The following ZDHHC20 variants were observed in gnomAD, a reference collection of about 807,000 sequenced individuals.
ZDHHC20 encodes palmitoyltransferase ZDHHC20.
ZDHHC20 carries 43 observed loss-of-function variants against 57.8 expected under a neutral mutation model. The observed-to-expected ratio is 0.74, with a 90% confidence interval of 0.58 to 0.96. The LOEUF (loss-of-function observed/expected upper bound fraction) is 0.96, where lower values mean the gene tolerates loss of function less well. Ranked by LOEUF, ZDHHC20 falls within the 40% of genes least tolerant of loss-of-function variation. The pLI is 0.00. For missense variants in ZDHHC20, 391 were observed against 441.1 expected, an observed-to-expected ratio of 0.89 and a Z score of 1.02; for synonymous variants, 157 against 153.0, an observed-to-expected ratio of 1.03 and a Z score of -0.19.
intron 7 of ZDHHC20, among the ~76,000 whole-genome samples, chr13:21,393,831 G>C (rs547050441): frequency 6.6e-6 from 1 of 151,504 alleles, no homozygotes; most frequent in African/African-American, 2.4e-5. Flanking sequence ...GACTACAGGC[G>C]TGAGCCACCT....
chr13:21,381,990 T>G (rs1233984287), intron 10 of ZDHHC20: 2 of 504,216 alleles, frequency 4.0e-6, no homozygotes, highest in Admixed American at 4.1e-5. Context: ...GACTTATTTT[T>G]CTAGCTAAAA....
chr13:21,387,079 G>A (rs545202532), intron 9 of ZDHHC20, among the ~76,000 whole-genome samples: 1 of 152,256 alleles, frequency 6.6e-6, no homozygotes, highest in African/African-American at 2.4e-5. Flanking sequence ...ATCATCTCAA[G>A]AATATACTCT....
chr13:21,411,443 C>T (rs1046079284), intron 4 of ZDHHC20, among the ~76,000 whole-genome samples: 7 of 152,162 alleles, frequency 4.6e-5, no homozygotes, highest in African/African-American at 1.7e-4. Context: ...TAGAGATTTC[C>T]TAGTTCAATC....
intron 1 of ZDHHC20, among the ~76,000 whole-genome samples, chr13:21,447,824 T>C (rs1883922188): frequency 1.0e-5 from 1 of 98,726 alleles, no homozygotes; most frequent in East Asian, 2.2e-4. Flanking sequence ...CGCCATCCCA[T>C]CTAGGAAGTG....
chr13:21,414,110 A>C (rs548834986), intron 3 of ZDHHC20, among the ~76,000 whole-genome samples: 16 of 152,278 alleles, frequency 1.1e-4, no homozygotes, highest in Middle Eastern at 3.4e-3. Flanking sequence ...GTTACTGTCA[A>C]GAGATTTTTA....
chr13:21,404,306 A>T (rs746110931), intron 4 of ZDHHC20: 4 of 501,796 alleles, frequency 8.0e-6, no homozygotes, highest in Admixed American at 2.0e-5. Flanking sequence ...TGTCCAGCTC[A>T]TTGGAGCTCC....
intron 1 of ZDHHC20, among the ~76,000 whole-genome samples, chr13:21,434,681 CAT>C (rs1236900146): frequency 2.6e-5 from 4 of 152,072 alleles, no homozygotes; most frequent in Non-Finnish European, 5.9e-5. Flanking sequence ...TCCCTAAATC[CAT>C]ATGATGATGA....
rs1394272794 is a variant in ZDHHC20 at position 21,402,713 on chromosome 13, C to T, written c.440+84G>A. Reference sequence around the variant, plus strand: ...TGAAGTGTTCTTGTCAAGTGTAAAGCATATAAAATGTTCCTTCCCCTTGCA... The same window carrying T: ...TGAAGTGTTCTTGTCAAGTGTAAAGTATATAAAATGTTCCTTCCCCTTGCA... On this transcript the variant is annotated intron_variant, in intron 5 of 12. Coordinates refer to ENST00000400590, the MANE Select transcript of ZDHHC20 (RefSeq NM_001330059.2). 2.7e-6 allele frequency: 3 copies of T among 1,105,264 alleles called. No individual in the cohort carries two copies. In the African/African-American group the frequency reaches 4.7e-5, roughly 17 times the overall value. The allele number at this position is 1,105,264 out of a possible 1,614,324, so 68.5% of individuals were successfully genotyped here.
intron 6 of ZDHHC20, among the ~76,000 whole-genome samples, chr13:21,401,286 T>C (rs1404853576): frequency 2.0e-5 from 3 of 151,876 alleles, no homozygotes; most frequent in East Asian, 1.9e-4. Flanking sequence ...AAAAATAAAA[T>C]AAAACAAAAC....
At chr13:21,399,805 T>C (rs1164989638) in intron 7 of ZDHHC20, among the ~76,000 whole-genome samples, 1 of 152,156 alleles carries the variant, frequency 6.6e-6, no homozygotes, top group Non-Finnish European at 1.5e-5. Context: ...TAATAAAAGA[T>C]CTCAAAGATC....
intron 4 of ZDHHC20, among the ~76,000 whole-genome samples, chr13:21,407,764 A>C (rs765796917): frequency 2.2e-4 from 34 of 152,226 alleles, no homozygotes; most frequent in Non-Finnish European, 3.7e-4. Context: ...CTTATATTTA[A>C]ATCTTTAATC....
chr13:21,420,070 C>T (rs900601196), intron 3 of ZDHHC20, among the ~76,000 whole-genome samples: 15 of 152,102 alleles, frequency 9.9e-5, no homozygotes, highest in African/African-American at 3.6e-4. Flanking sequence ...GTGGATCACC[C>T]GAGGCCAGGA....
chr13:21,406,651 T>C (rs545848660), intron 4 of ZDHHC20, among the ~76,000 whole-genome samples: 1 of 152,184 alleles, frequency 6.6e-6, no homozygotes, highest in South Asian at 2.1e-4. Context: ...TTTCTGCTCC[T>C]GTGTTAGTTT....
chr13:21,378,846 C>CA (rs1872725488), intron 11 of ZDHHC20, 108 bp from the exon 12 acceptor site: 1 of 542,004 alleles, frequency 1.8e-6, no homozygotes, highest in Admixed American at 3.9e-5. Flanking sequence ...CATGTAAATA[C>CA]AAAATAGGCT....
At chr13:21,447,445 G>A (rs867325784) in intron 1 of ZDHHC20, among the ~76,000 whole-genome samples, 6 of 148,050 alleles carry the variant, frequency 4.1e-5, no homozygotes, top group South Asian at 2.3e-4. Context: ...GGCACGCGCC[G>A]CCACGCCTGA....
At chr13:21,409,645 A>G (rs1273869148) in intron 4 of ZDHHC20, among the ~76,000 whole-genome samples, 1 of 152,014 alleles carries the variant, frequency 6.6e-6, no homozygotes, top group Non-Finnish European at 1.5e-5. Flanking sequence ...TTGATCTTCA[A>G]TCACTGATAT....
At chr13:21,454,605 A>G (rs1015471897) in intron 1 of ZDHHC20, among the ~76,000 whole-genome samples, 1 of 152,214 alleles carries the variant, frequency 6.6e-6, no homozygotes, top group Non-Finnish European at 1.5e-5. Flanking sequence ...AAAGTAAAAG[A>G]AAGGAAATAG....
intron 9 of ZDHHC20, among the ~76,000 whole-genome samples, chr13:21,383,945 T>TA (rs1174366695): frequency 1.3e-5 from 2 of 152,026 alleles, no homozygotes; most frequent in Non-Finnish European, 2.9e-5. Context: ...GAATAACTGG[T>TA]AAACTGTACA....
At chr13:21,423,072 G>T (rs182046696) in intron 2 of ZDHHC20, among the ~76,000 whole-genome samples, 81 of 152,278 alleles carry the variant, frequency 5.3e-4, no homozygotes, top group African/African-American at 1.9e-3. Flanking sequence ...GTTATTAAAT[G>T]ATGAAGCCAG....
Sources: gnomAD v4.1 joint callset for allele counts (sites outside exome capture counted in the v4.1 genomes callset) on GRCh38, gnomAD v4.1.1 for gene constraint, MANE v1.5 for transcripts, NCBI Gene and HGNC (gene_info 2026-07-23, HGNC 2026-07-21) for gene names.